Variants in MISFA observed in about 807,000 individuals in gnomAD.
The protein encoded by MISFA is mitochondrial sheath formation associated.
chr11:18,604,120 G>T, the MISFA span, among the ~76,000 whole-genome samples: 7 of 151,478 alleles, frequency 4.6e-5, no homozygotes, highest in Admixed American at 4.6e-4. Flanking sequence ...TAGAGACGGG[G>T]TTTCACCGTG....
chr11:18,605,342 T>TA, the MISFA span, among the ~76,000 whole-genome samples: 3 of 152,024 alleles, frequency 2.0e-5, no homozygotes, highest in African/African-American at 7.2e-5. Flanking sequence ...CTAACAGGAG[T>TA]AAATACTTTA....
the MISFA span, among the ~76,000 whole-genome samples, chr11:18,605,798 C>A: frequency 6.6e-6 from 1 of 152,156 alleles, no homozygotes; most frequent in East Asian, 1.9e-4. Flanking sequence ...TTAAGTGATT[C>A]TTATACCTCA....
chr11:18,602,977 A>G, the MISFA span: 2 of 395,436 alleles, frequency 5.1e-6, no homozygotes, highest in Non-Finnish European at 8.9e-6. Flanking sequence ...TTCAATTCAG[A>G]CTAGGCCACG....
the MISFA span, chr11:18,603,750 C>T: frequency 5.0e-6 from 2 of 398,928 alleles, no homozygotes; most frequent in Non-Finnish European, 8.8e-6. Context: ...GCATGACACA[C>T]ACTTTCTTTT....
the MISFA span, chr11:18,609,843 C>T: frequency 1.9e-6 from 3 of 1,612,798 alleles, no homozygotes; most frequent in Non-Finnish European, 2.5e-6. Context: ...TAGAATTTCA[C>T]AAAAATAAAA....
chr11:18,605,726 T>G, the MISFA span, among the ~76,000 whole-genome samples: 3 of 152,220 alleles, frequency 2.0e-5, no homozygotes, highest in East Asian at 5.8e-4. Flanking sequence ...AGTCTCGTTC[T>G]GTCACCCAGG....
At chr11:18,602,872 T>TA in the MISFA span, 1 of 354,538 alleles carries the variant, frequency 2.8e-6, no homozygotes, top group Non-Finnish European at 5.0e-6. Flanking sequence ...AACCATCCCA[T>TA]AGGTGCTCAT....
chr11:18,606,103 G>A, the MISFA span, among the ~76,000 whole-genome samples: 2 of 152,160 alleles, frequency 1.3e-5, no homozygotes, highest in African/African-American at 4.8e-5. Flanking sequence ...CCCTCCATTT[G>A]AGTAAACTTC....
the MISFA span, chr11:18,602,772 A>G: frequency 6.3e-5 from 13 of 206,792 alleles, no homozygotes; most frequent in South Asian, 2.3e-3. Context: ...TAATGAGTAT[A>G]CTGCCAGCTA....
At chr11:18,606,964 G>A in the MISFA span, 21 of 294,720 alleles carry the variant, frequency 7.1e-5, no homozygotes, top group East Asian at 1.4e-3. Flanking sequence ...AGGTTCTAGC[G>A]ATTCTCCTGC....
the MISFA span, chr11:18,608,054 G>A: frequency 1.3e-5 from 2 of 152,520 alleles, no homozygotes; most frequent in East Asian, 3.8e-4. Flanking sequence ...GGCAGCAGAG[G>A]AATTGATGTT....
the MISFA span, chr11:18,601,857 C>T: frequency 4.0e-6 from 1 of 251,732 alleles, no homozygotes; most frequent in South Asian, 1.7e-4. Flanking sequence ...TTCGAAGTTT[C>T]TTCTGTACAA....
At chr11:18,600,241 T>C in the MISFA span, among the ~76,000 whole-genome samples, 35 of 152,122 alleles carry the variant, frequency 2.3e-4, no homozygotes, top group Non-Finnish European at 4.4e-4. Context: ...TTTGCTCTTG[T>C]TGCCCAGGCT....
At chr11:18,606,696 A>C in the MISFA span, 3 of 409,654 alleles carry the variant, frequency 7.3e-6, no homozygotes, top group Non-Finnish European at 1.4e-5. Flanking sequence ...AAAATAAAAC[A>C]ACCAGTCTCT....
chr11:18,607,430 A>T, the MISFA span: 1 of 152,788 alleles, frequency 6.5e-6, no homozygotes, highest in East Asian at 1.9e-4. Context: ...CACACCCATG[A>T]TCATGTAACA....
At chr11:18,600,963 T>C in the MISFA span, 5 of 396,384 alleles carry the variant, frequency 1.3e-5, no homozygotes, top group East Asian at 1.1e-4. Context: ...TCAGTGGTTA[T>C]TGGTAGGAAG....
At chr11:18,606,014 C>T in the MISFA span, among the ~76,000 whole-genome samples, 2 of 152,138 alleles carry the variant, frequency 1.3e-5, no homozygotes, top group Non-Finnish European at 1.5e-5. Context: ...CTCTTCTCAG[C>T]CATCTCAAGC....
chr11:18,602,869 C>T, the MISFA span: 1 of 353,556 alleles, frequency 2.8e-6, no homozygotes, highest in Non-Finnish European at 5.0e-6. Context: ...GCCAACCATC[C>T]CATAGGTGCT....
the MISFA span, chr11:18,609,759 C>T: frequency 4.1e-6 from 4 of 979,280 alleles, no homozygotes; most frequent in Non-Finnish European, 6.3e-6. Flanking sequence ...TCCTTGAGTA[C>T]CCAAGTATAA....
Sources: gnomAD v4.1 joint callset for allele counts (sites outside exome capture counted in the v4.1 genomes callset) on GRCh38, gnomAD v4.1.1 for gene constraint, MANE v1.5 for transcripts, NCBI Gene and HGNC (gene_info 2026-07-23, HGNC 2026-07-21) for gene names.